RUVBL1: variants seen among roughly 807,000 people sequenced by gnomAD.
RUVBL1 encodes RuvB like AAA ATPase 1, also known as ruvB-like 1.
A neutral mutation model predicts 52.4 loss-of-function variants in RUVBL1; 4 were observed. That is an observed-to-expected ratio of 0.08 (90% CI 0.04 to 0.17). The LOEUF is 0.17. Among genes scored for constraint, RUVBL1 ranks in the 10% least tolerant of loss-of-function variants. RUVBL1 has a pLI of 1.00. For missense variants in RUVBL1, 298 were observed against 572.8 expected (o/e 0.52, Z 4.90); for synonymous variants, 217 against 214.4 (o/e 1.01, Z -0.10).
intron 6 of RUVBL1, 129 bp downstream of exon 6, chr3:128,100,466 T>C: frequency 9.1e-7 from 1 of 1,104,846 alleles, no homozygotes; most frequent in Non-Finnish European, 1.3e-6. Context: ...TGTTAATTGC[T>C]GAACATTACA....
intron 8 of RUVBL1, among the ~76,000 whole-genome samples, chr3:128,095,481 T>C (rs1942947478): frequency 6.6e-6 from 1 of 152,256 alleles, no homozygotes; most frequent in Non-Finnish European, 1.5e-5. Flanking sequence ...CAAGTAGCCA[T>C]GCTGGATCTG....
chr3:128,128,169 TAA>T (rs1943823984), upstream of RUVBL1, among the ~76,000 whole-genome samples: 1 of 152,160 alleles, frequency 6.6e-6, no homozygotes, highest in South Asian at 2.1e-4. Context: ...TATTTTTTTG[TAA>T]AGACAGGGGT....
chr3:128,116,040 C>T (rs536532818), intron 2 of RUVBL1, among the ~76,000 whole-genome samples: 6 of 151,512 alleles, frequency 4.0e-5, no homozygotes, highest in Non-Finnish European at 7.4e-5. Context: ...GGTGGGAGGA[C>T]CACCTGAACC....
chr3:128,098,964 A>ATC lies in RUVBL1; in HGVS notation c.754-20_754-19insGA. On this transcript the variant is annotated intron_variant, in intron 6 of 10. Coordinates refer to ENST00000322623, the MANE Select transcript of RUVBL1 (RefSeq NM_003707.3). ...GTCCCCCCTGCATAAGAGAAGACTT[A>ATC]GAGTCAGTGCTGCTTTCTAAGGTGA... The ATC allele has an allele frequency of 6.2e-7, 1 of 1,609,348 alleles. No individual in the cohort carries two copies.
chr3:128,091,681 C>T (rs528361263), intron 8 of RUVBL1, among the ~76,000 whole-genome samples: 1 of 152,208 alleles, frequency 6.6e-6, no homozygotes, highest in Non-Finnish European at 1.5e-5. Context: ...TTTCCTCTTA[C>T]AATAACTGTG....
chr3:128,101,492 C>A, intron 5 of RUVBL1, 67 bp downstream of exon 5: 2 of 1,471,400 alleles, frequency 1.4e-6, no homozygotes, highest in Non-Finnish European at 1.9e-6. Context: ...AAGCAACTCC[C>A]TTGTCACTTA....
chr3:128,084,828 G>A (rs1942590031), intron 9 of RUVBL1: 1 of 152,256 alleles, frequency 6.6e-6, no homozygotes, highest in African/African-American at 2.4e-5. Context: ...GGGCCAGCGG[G>A]AACAAAGCCA....
At chr3:128,111,992 C>G (rs1196534130) in intron 3 of RUVBL1, among the ~76,000 whole-genome samples, 1 of 152,166 alleles carries the variant, frequency 6.6e-6, no homozygotes, top group Non-Finnish European at 1.5e-5. Context: ...AGAGTAAAAG[C>G]TGAGAATAAA....
At chr3:128,142,461 A>C (rs1944039981) in intron 1 of RUVBL1, among the ~76,000 whole-genome samples, 1 of 152,146 alleles carries the variant, frequency 6.6e-6, no homozygotes, top group African/African-American at 2.4e-5. Context: ...ATAAATACGA[A>C]CATAGATTTG....
intron 4 of RUVBL1, among the ~76,000 whole-genome samples, chr3:128,104,022 A>C (rs1943168179): frequency 1.3e-5 from 2 of 152,232 alleles, no homozygotes. Flanking sequence ...ATAACCCTGA[A>C]AGACAGGCAA....
exon 10 of RUVBL1, chr3:128,064,898 T>A: frequency 1.9e-6 from 3 of 1,610,750 alleles, no homozygotes; most frequent in Non-Finnish European, 2.5e-6. Context: ...GAAGGTGCTA[T>A]CATCGCACTT....
At chr3:128,117,358 T>C (rs548723616) in intron 2 of RUVBL1, among the ~76,000 whole-genome samples, 1 of 152,186 alleles carries the variant, frequency 6.6e-6, no homozygotes, top group African/African-American at 2.4e-5. Context: ...AATTCCTTAT[T>C]ATGGAAACTG....
downstream of RUVBL1, chr3:128,078,809 C>T (rs555297325): frequency 2.0e-5 from 3 of 152,300 alleles, no homozygotes; most frequent in Non-Finnish European, 2.9e-5. Context: ...GTAAAAACTT[C>T]GCCCGGAAGA....
chr3:128,121,625 G>A lies in RUVBL1; in HGVS notation c.141+1959C>T, dbSNP rs1225833862. ...CTCACGAGGCTGAGGCAGGAGAATC[G>A]CTTGAACCCAGGAGGCAGAGGTTGC... On this transcript the variant is annotated intron_variant, in intron 1 of 10. Coordinates refer to ENST00000322623, the MANE Select transcript of RUVBL1 (RefSeq NM_003707.3). 8.0e-5 allele frequency among the ~76,000 whole-genome samples: 12 copies of A among 149,228 alleles called. No homozygotes were observed. The East Asian group carries it at 1.7e-3, about 21-fold the overall frequency.
chr3:128,148,741 C>CAT (rs1553733658), intron 1 of RUVBL1, among the ~76,000 whole-genome samples: 15 of 152,126 alleles, frequency 9.9e-5, no homozygotes, highest in Admixed American at 9.2e-4. Context: ...TGTACAAGCA[C>CAT]ATATATATAG....
chr3:128,091,192 T>A (rs1337655618), intron 8 of RUVBL1, among the ~76,000 whole-genome samples: 1 of 149,548 alleles, frequency 6.7e-6, no homozygotes, highest in Admixed American at 6.8e-5. Flanking sequence ...ACCATATTAG[T>A]GGGAGACGGT....
At chr3:128,134,029 A>G (rs1022023710) in intron 1 of RUVBL1, among the ~76,000 whole-genome samples, 9 of 152,150 alleles carry the variant, frequency 5.9e-5, no homozygotes, top group African/African-American at 1.2e-4. Context: ...TCAGAATCCT[A>G]TCAGATAAAT....
chr3:128,069,436 T>TGTGTCCAGGTGAGC, intron 9 of RUVBL1: 2 of 1,591,280 alleles, frequency 1.3e-6, no homozygotes, highest in South Asian at 2.2e-5. Flanking sequence ...CACGGGGAGC[T>TGTGTCCAGGTGAGC]CTGTGGGTGT....
intron 8 of RUVBL1, among the ~76,000 whole-genome samples, chr3:128,088,707 C>T (rs1387306333): frequency 6.6e-6 from 1 of 151,746 alleles, no homozygotes; most frequent in Non-Finnish European, 1.5e-5. Flanking sequence ...GGCTCAAGGG[C>T]TCCTCCCACC....
Sources: gnomAD v4.1 joint callset for allele counts (sites outside exome capture counted in the v4.1 genomes callset) on GRCh38, gnomAD v4.1.1 for gene constraint, MANE v1.5 for transcripts, NCBI Gene and HGNC (gene_info 2026-07-23, HGNC 2026-07-21) for gene names.